Variants in DLG2 observed in about 807,000 individuals in gnomAD.
DLG2 encodes discs large MAGUK scaffold protein 2.
Under a neutral mutation model 132.5 loss-of-function variants are expected in DLG2, and 45 were observed. That is an observed-to-expected ratio of 0.34 (90% CI 0.27 to 0.44). DLG2 has a LOEUF of 0.44. Among genes scored for constraint, DLG2 ranks in the 20% least tolerant of loss-of-function variants. The pLI, the probability that DLG2 is intolerant of heterozygous loss-of-function variation, is 1.00. For synonymous variants in DLG2, 424 were observed against 419.6 expected (o/e 1.01, Z -0.13); for missense variants, 1,045 against 1,196.9 (o/e 0.87, Z 1.87).
chr11:84,460,479 G>A (rs1262462785), intron 7 of DLG2, among the ~76,000 whole-genome samples: 1 of 150,300 alleles, frequency 6.7e-6, no homozygotes, highest in Non-Finnish European at 1.5e-5. Context: ...CACAGAGTTA[G>A]CTCAGGTATC....
At chr11:84,122,938 C>G (rs1015356143) in intron 9 of DLG2, among the ~76,000 whole-genome samples, 2 of 151,950 alleles carry the variant, frequency 1.3e-5, no homozygotes, top group African/African-American at 4.8e-5. Context: ...AAAGTCTATG[C>G]TCTTTTATAA....
At chr11:84,810,826 A>C (rs1322703188) in intron 6 of DLG2, among the ~76,000 whole-genome samples, 2 of 152,204 alleles carry the variant, frequency 1.3e-5, no homozygotes, top group Non-Finnish European at 2.9e-5. Context: ...TGAGTTAAAA[A>C]AAATCTCAAA....
intron 3 of DLG2, among the ~76,000 whole-genome samples, chr11:85,449,666 A>G (rs996098960): frequency 1.3e-5 from 2 of 151,958 alleles, no homozygotes; most frequent in Non-Finnish European, 2.9e-5. Flanking sequence ...TTCTCAATTT[A>G]TGTTTTATTA....
At chr11:84,509,946 A>G (rs888538351) in intron 7 of DLG2, among the ~76,000 whole-genome samples, 1 of 151,928 alleles carries the variant, frequency 6.6e-6, no homozygotes, top group African/African-American at 2.4e-5. Flanking sequence ...TTAAGAAAAT[A>G]AATTAAACCT....
intron 17 of DLG2, among the ~76,000 whole-genome samples, chr11:83,795,387 G>A (rs1431983331): frequency 2.0e-5 from 3 of 147,002 alleles, no homozygotes; most frequent in Non-Finnish European, 4.5e-5. Flanking sequence ...CAGCCTGGGG[G>A]ACAGAGTGAG....
intron 18 of DLG2, among the ~76,000 whole-genome samples, chr11:83,711,613 C>A (rs2085447522): frequency 6.6e-6 from 1 of 152,180 alleles, no homozygotes; most frequent in Non-Finnish European, 1.5e-5. Flanking sequence ...AGCTAGCCAG[C>A]TTTCACAGTT....
chr11:85,599,624 T>C (rs2080014232), intron 2 of DLG2, among the ~76,000 whole-genome samples: 1 of 152,144 alleles, frequency 6.6e-6, no homozygotes, highest in Non-Finnish European at 1.5e-5. Flanking sequence ...CCTAGCACAA[T>C]ATCCAGCACA....
intron 3 of DLG2, among the ~76,000 whole-genome samples, chr11:85,589,442 T>C (rs1211667526): frequency 6.6e-6 from 1 of 152,134 alleles, no homozygotes; most frequent in Non-Finnish European, 1.5e-5. Context: ...AAAGTTTATG[T>C]CTTTCATGAT....
intron 7 of DLG2, chr11:84,272,340 A>G: frequency 2.4e-6 from 1 of 413,780 alleles, no homozygotes; most frequent in Non-Finnish European, 4.9e-6. Flanking sequence ...CTATGTCAGA[A>G]ATAATGTTTT....
At chr11:85,563,570 T>G (rs2077370234) in intron 3 of DLG2, among the ~76,000 whole-genome samples, 1 of 151,842 alleles carries the variant, frequency 6.6e-6, no homozygotes, top group Admixed American at 6.6e-5. Flanking sequence ...TAGTATGTAC[T>G]CTTTCATATC....
At chr11:84,835,300 T>C (rs190545651) in intron 6 of DLG2, among the ~76,000 whole-genome samples, 13 of 151,798 alleles carry the variant, frequency 8.6e-5, no homozygotes, top group African/African-American at 2.9e-4. Flanking sequence ...TATAGAACTT[T>C]AGTTCTGGAG....
intron 6 of DLG2, among the ~76,000 whole-genome samples, chr11:84,853,912 T>C (rs2082459452): frequency 6.6e-6 from 1 of 152,028 alleles, no homozygotes; most frequent in Non-Finnish European, 1.5e-5. Flanking sequence ...GGGAGTTAGA[T>C]GATCTTTCTC....
In DLG2 at chr11:84,587,739, C is replaced by A. The variant is rs140462924; in HGVS notation, c.358-53008G>T. Among the ~76,000 whole-genome samples the A allele has an allele frequency of 1.7e-3, 253 of 152,278 alleles. 1 individual carries two copies. The highest frequency in any genetic ancestry group is 0.012 in the South Asian group (59 of 4,826). On this transcript the variant is annotated intron_variant, in intron 6 of 27. Coordinates refer to ENST00000376104, the MANE Select transcript of DLG2 (RefSeq NM_001142699.3). ...TCGGCAAAATACTCCTAGAATTTAG[C>A]TTTCACTCCTATGAATCTAAAGAAC...
chr11:84,666,658 A>G (rs2099700063), intron 6 of DLG2, among the ~76,000 whole-genome samples: 1 of 152,084 alleles, frequency 6.6e-6, no homozygotes, highest in Admixed American at 6.6e-5. Flanking sequence ...GTGTATACAC[A>G]TATATTTGTA....
In DLG2 at chr11:84,673,614, A is replaced by G. The variant is rs529566738; in HGVS notation, c.358-138883T>C. Among the ~76,000 whole-genome samples, 48 of 151,174 alleles carry G rather than the reference A, an allele frequency of 3.2e-4. No homozygotes were observed. The South Asian group carries it at 7.3e-3, about 23-fold the overall frequency. On this transcript the variant is annotated intron_variant, in intron 6 of 27. Transcript: ENST00000376104. Reference sequence around the variant, plus strand: ...AGCCCTAGAATCTAAAAAAAAAAAAAAAATTAAAATAAATAAATAAATAAA... The same window carrying G: ...AGCCCTAGAATCTAAAAAAAAAAAAGAAATTAAAATAAATAAATAAATAAA...
intron 3 of DLG2, among the ~76,000 whole-genome samples, chr11:85,488,900 A>C (rs2093493655): frequency 6.6e-6 from 1 of 152,242 alleles, no homozygotes; most frequent in African/African-American, 2.4e-5. Context: ...CACCATCAAG[A>C]AAACACAAAG....
intron 16 of DLG2, among the ~76,000 whole-genome samples, chr11:83,835,831 C>A (rs1300198205): frequency 6.6e-6 from 1 of 152,110 alleles, no homozygotes. Context: ...AGGTTCCTGG[C>A]AGAATTCAGT....
intron 3 of DLG2, among the ~76,000 whole-genome samples, chr11:85,307,685 C>G (rs927093086): frequency 1.3e-5 from 2 of 152,166 alleles, no homozygotes; most frequent in African/African-American, 4.8e-5. Context: ...CAGTACTGAT[C>G]CACTTTCAAA....
chr11:85,572,433 C>A (rs575160413), intron 3 of DLG2, among the ~76,000 whole-genome samples: 1 of 152,136 alleles, frequency 6.6e-6, no homozygotes, highest in Non-Finnish European at 1.5e-5. Context: ...AAAAGAATCA[C>A]AAAATTTGCT....
Sources: allele counts gnomAD v4.1 joint callset (sites outside exome capture counted in the v4.1 genomes callset), GRCh38; gene constraint gnomAD v4.1.1; transcripts MANE v1.5; gene names NCBI Gene and HGNC (gene_info 2026-07-23, HGNC 2026-07-21).